PACRG: variants seen among roughly 807,000 people sequenced by gnomAD.
PACRG encodes the protein parkin coregulated gene protein.
A neutral mutation model predicts 29.7 loss-of-function variants in PACRG; 29 were observed. The observed-to-expected ratio is 0.98, with a 90% CI of 0.73 to 1.33. PACRG has a LOEUF of 1.33. PACRG is among the 40% of genes most tolerant of loss of function. The pLI is 0.00. For synonymous variants in PACRG, 116 were observed against 118.7 expected, an observed-to-expected ratio of 0.98 and a Z score of 0.15; for missense variants, 279 against 316.2, an observed-to-expected ratio of 0.88 and a Z score of 0.89.
chr6:163,069,047 C>T (rs1476509900), intron 3 of PACRG, among the ~76,000 whole-genome samples: 1 of 152,006 alleles, frequency 6.6e-6, no homozygotes, highest in Non-Finnish European at 1.5e-5. Context: ...ATCAGACTCA[C>T]CAATTGACCA....
chr6:162,889,254 C>A (rs1794588079), intron 2 of PACRG, among the ~76,000 whole-genome samples: 1 of 151,828 alleles, frequency 6.6e-6, no homozygotes, highest in African/African-American at 2.4e-5. Flanking sequence ...CAGATGATAC[C>A]ACATTTTCTA....
chr6:162,996,495 G>A (rs1804066937), intron 2 of PACRG, among the ~76,000 whole-genome samples: 1 of 152,088 alleles, frequency 6.6e-6, no homozygotes, highest in Admixed American at 6.5e-5. Context: ...CTCTAGGTTA[G>A]AGCTAGAGAA....
At chr6:162,808,546 T>G (rs1442438636) in intron 1 of PACRG, among the ~76,000 whole-genome samples, 1 of 152,202 alleles carries the variant, frequency 6.6e-6, no homozygotes, top group Non-Finnish European at 1.5e-5. Context: ...ATTAGTTTTG[T>G]GACCATATGA....
chr6:162,784,348 A>G lies in PACRG; in HGVS notation c.157-29799A>G, dbSNP rs541536185. Among the ~76,000 whole-genome samples the G allele has an allele frequency of 9.2e-5, 14 of 152,274 alleles. No individual in the cohort carries two copies. In the East Asian group the frequency reaches 2.7e-3, roughly 29 times the overall value. On this transcript the variant is annotated intron_variant, in intron 1 of 4. Transcript: ENST00000366888. ...AATACCCCCAGCCCATGGTCATCTTATCTTAATTTCTCGATCTCCCTTGTC... is the reference window on the plus strand; with the variant it reads ...AATACCCCCAGCCCATGGTCATCTTGTCTTAATTTCTCGATCTCCCTTGTC...
rs1280464128 is a variant in PACRG, at chr6:162,955,676, C to G, written c.292-106474C>G. Among the ~76,000 whole-genome samples the G allele has an allele frequency of 2.0e-5, 3 of 152,156 alleles. No homozygotes were observed. In the East Asian group the frequency reaches 5.8e-4, roughly 29 times the overall value. On this transcript the variant is annotated intron_variant, in intron 2 of 4. Transcript: ENST00000366888. ...CGTATGATTTATTGATGATACTGAT[C>G]CTGCCTCAACGTTTTGATATTCTCT...
chr6:163,256,644 C>T (rs957504638), intron 4 of PACRG, among the ~76,000 whole-genome samples: 3 of 152,156 alleles, frequency 2.0e-5, no homozygotes, highest in Non-Finnish European at 2.9e-5. Flanking sequence ...AGGGACACGT[C>T]GGTGCCTTGA....
intron 4 of PACRG, among the ~76,000 whole-genome samples, chr6:163,288,740 A>C (rs1235584057): frequency 6.8e-6 from 1 of 147,718 alleles, no homozygotes; most frequent in African/African-American, 2.4e-5. Flanking sequence ...AACACTTTTG[A>C]ATGGCTTTCC....
chr6:162,814,117 C>G (rs766022217), intron 1 of PACRG, 30 bp from the exon 2 acceptor site: 3 of 1,589,540 alleles, frequency 1.9e-6, no homozygotes, highest in South Asian at 2.3e-5. Context: ...GTCTTAAAAC[C>G]TGATCCCTAT....
At chr6:163,212,830 T>C (rs377233132) in intron 4 of PACRG, among the ~76,000 whole-genome samples, 1 of 151,676 alleles carries the variant, frequency 6.6e-6, no homozygotes, top group African/African-American at 2.4e-5. Flanking sequence ...CCAGGCTGGA[T>C]TGCAGTGGCA....
At chr6:163,076,611 G>T (rs1053910014) in intron 3 of PACRG, among the ~76,000 whole-genome samples, 3 of 152,168 alleles carry the variant, frequency 2.0e-5, no homozygotes, top group Non-Finnish European at 4.4e-5. Flanking sequence ...TTTTGTTTTT[G>T]ACTTTATTTC....
chr6:163,201,903 C>T (rs1343486934), intron 4 of PACRG, among the ~76,000 whole-genome samples: 3 of 152,186 alleles, frequency 2.0e-5, no homozygotes, highest in Non-Finnish European at 4.4e-5. Context: ...CTTCCTCACA[C>T]GGTGGTGGCC....
chr6:163,084,853 T>C (rs1813403633), intron 3 of PACRG, among the ~76,000 whole-genome samples: 1 of 147,112 alleles, frequency 6.8e-6, no homozygotes, highest in African/African-American at 2.5e-5. Flanking sequence ...TATGTGTGCA[T>C]ATATATAATA....
At position 163,125,461 on chromosome 6, in the gene PACRG, A is replaced by C. The variant is rs11970252; in HGVS notation, c.613+36053A>C. ...GAAAAAACTCAATATAGAGCTGCAC[A>C]GCAAACGGCAAATTGGAACAACATA... On this transcript the variant is annotated intron_variant, in intron 4 of 4. Coordinates refer to ENST00000366888, the MANE Select transcript of PACRG (RefSeq NM_001080379.2). Among the ~76,000 whole-genome samples, 1,308 of 152,364 alleles carry C rather than the reference A, an allele frequency of 8.6e-3. 18 individuals are homozygous for C. The highest frequency in any genetic ancestry group is 0.03 in the African/African-American group (1,259 of 41,592).
intron 2 of PACRG, among the ~76,000 whole-genome samples, chr6:162,936,604 A>G (rs1449962592): frequency 6.6e-6 from 1 of 152,164 alleles, no homozygotes; most frequent in African/African-American, 2.4e-5. Flanking sequence ...ATTATCCAAA[A>G]GGTAAATGAT....
intron 4 of PACRG, among the ~76,000 whole-genome samples, chr6:163,219,832 G>A (rs940600279): frequency 5.9e-5 from 9 of 152,042 alleles, no homozygotes; most frequent in East Asian, 1.9e-4. Flanking sequence ...GTTTCTGCTC[G>A]CTCAGCCCGG....
chr6:162,847,141 A>T, intron 2 of PACRG, among the ~76,000 whole-genome samples: 1 of 144,572 alleles, frequency 6.9e-6, no homozygotes, highest in Non-Finnish European at 1.5e-5. Context: ...TGCTCCCCAC[A>T]CTGACTCCAG....
At chr6:162,938,922 A>C (rs1393050363) in intron 2 of PACRG, among the ~76,000 whole-genome samples, 2 of 152,032 alleles carry the variant, frequency 1.3e-5, no homozygotes, top group African/African-American at 4.8e-5. Context: ...AGATGTATAG[A>C]TTGTGAGGAT....
Position 162,728,336 on chromosome 6 carries a change from C to T in PACRG, c.101C>T (p.Pro34Leu), listed in dbSNP as rs1779439345. 1 of 1,613,974 alleles carries T rather than the reference C, an allele frequency of 6.2e-7. No individual in the cohort carries two copies. The highest frequency in any genetic ancestry group is 1.1e-5 in the South Asian group (1 of 91,084). The change falls in exon 1 of 5, where the codon CCT (proline) becomes CTT (leucine). Residue 34 changes from proline (P) to leucine (L), a missense_variant. Physicochemically the swap from Pro to Leu is moderately conservative, Grantham distance 98. Coordinates refer to ENST00000366888, the MANE Select transcript of PACRG (RefSeq NM_001080379.2). ...CAACAGCCGCTCCCGGTGCACCAGC[C>T]TCACTCTCTGGTTTCTGAGGGTTTC... ...LAQQPLPVHQ[P>L]HSLVSEGFTV...
At chr6:163,102,352 G>A (rs1359603039) in intron 4 of PACRG, among the ~76,000 whole-genome samples, 2 of 152,160 alleles carry the variant, frequency 1.3e-5, no homozygotes, top group Non-Finnish European at 2.9e-5. Context: ...TAGGCTTAAT[G>A]CTCTCTCTTA....
Sources: gnomAD v4.1 joint callset for allele counts (sites outside exome capture counted in the v4.1 genomes callset) on GRCh38, gnomAD v4.1.1 for gene constraint, MANE v1.5 for transcripts, NCBI Gene and HGNC (gene_info 2026-07-23, HGNC 2026-07-21) for gene names.